SLIT2: variants seen among roughly 807,000 people sequenced by gnomAD.
SLIT2 encodes the protein slit guidance ligand 2, also known as slit homolog 2 protein.
Under a neutral mutation model 185.7 loss-of-function variants are expected in SLIT2, and 41 were observed. The observed-to-expected ratio is 0.22, with a 90% CI of 0.17 to 0.29. SLIT2 has a LOEUF of 0.29. SLIT2 is among the 10% of genes least tolerant of loss of function. SLIT2 has a pLI of 1.00. For missense variants in SLIT2, 1,571 were observed against 1,909.0 expected, an observed-to-expected ratio of 0.82 and a Z score of 3.30; for synonymous variants, 693 against 680.2, an observed-to-expected ratio of 1.02 and a Z score of -0.29.
At chr4:20,459,576 A>G (rs1328480329) in intron 4 of SLIT2, among the ~76,000 whole-genome samples, 1 of 151,874 alleles carries the variant, frequency 6.6e-6, no homozygotes, top group Admixed American at 6.6e-5. Flanking sequence ...CGTGTAGTTC[A>G]GTTCCCACCA....
At chr4:20,288,266 G>A (rs551342484) in intron 4 of SLIT2, among the ~76,000 whole-genome samples, 13 of 152,338 alleles carry the variant, frequency 8.5e-5, no homozygotes, top group African/African-American at 2.4e-4. Context: ...CTTCAGCAGT[G>A]TGGTGTGTAG....
chr4:20,503,688 A>G (rs773159760), intron 9 of SLIT2, among the ~76,000 whole-genome samples: 51 of 152,162 alleles, frequency 3.4e-4, no homozygotes, highest in Non-Finnish European at 6.6e-4. Flanking sequence ...ACACATAGAT[A>G]TTTTTGTCTT....
chr4:20,441,599 A>C (rs1439808849), intron 4 of SLIT2, among the ~76,000 whole-genome samples: 3 of 151,214 alleles, frequency 2.0e-5, no homozygotes, highest in Admixed American at 2.0e-4. Flanking sequence ...AAATACATAC[A>C]TACACACAGT....
At chr4:20,412,123 T>A (rs1264033941) in intron 4 of SLIT2, among the ~76,000 whole-genome samples, 1 of 152,064 alleles carries the variant, frequency 6.6e-6, no homozygotes, top group Non-Finnish European at 1.5e-5. Flanking sequence ...AATGCAGGGA[T>A]GCACACACAC....
intron 4 of SLIT2, among the ~76,000 whole-genome samples, chr4:20,399,756 G>C (rs1726201518): frequency 6.6e-6 from 1 of 151,636 alleles, no homozygotes; most frequent in South Asian, 2.1e-4. Context: ...TATGTAAGAG[G>C]GTGTCTCTCC....
intron 15 of SLIT2, among the ~76,000 whole-genome samples, chr4:20,525,893 C>A (rs1440088198): frequency 6.6e-6 from 1 of 152,090 alleles, no homozygotes; most frequent in Admixed American, 6.5e-5. Flanking sequence ...GAAAAGTAAT[C>A]GCAATGTTTT....
At chr4:20,299,160 C>T (rs1023253671) in intron 4 of SLIT2, among the ~76,000 whole-genome samples, 3 of 152,100 alleles carry the variant, frequency 2.0e-5, no homozygotes, top group Non-Finnish European at 4.4e-5. Context: ...TTTCTTTGCT[C>T]TTGCCACACC....
At position 20,488,834 on chromosome 4, in the gene SLIT2, C is replaced by T; in HGVS notation, c.627C>T (p.Asn209=). ...PKLRTFRLHS[N]NLYCDCHLAW... ...TCTCATTTAGTCGACTGCATTCAAA[C>T]AACCTGTATTGTGACTGCCACCTGG... The change falls in exon 8 of 37, where the codon AAC becomes AAT. Residue 209 remains asparagine (N), a synonymous_variant. Coordinates refer to ENST00000504154, the MANE Select transcript of SLIT2 (RefSeq NM_004787.4). 1 of 1,590,274 alleles carries T rather than the reference C, an allele frequency of 6.3e-7. No homozygotes were observed. Among genetic ancestry groups the T allele is most frequent in the Non-Finnish European group, 8.6e-7 (1 of 1,167,308 alleles).
intron 4 of SLIT2, among the ~76,000 whole-genome samples, chr4:20,459,759 A>G (rs952646200): frequency 1.3e-5 from 2 of 151,932 alleles, no homozygotes; most frequent in Non-Finnish European, 2.9e-5. Flanking sequence ...TTCCCTGGTT[A>G]TGTCTATAAT....
chr4:20,425,353 C>T (rs935076397), intron 4 of SLIT2, among the ~76,000 whole-genome samples: 20 of 151,788 alleles, frequency 1.3e-4, no homozygotes, highest in African/African-American at 4.4e-4. Context: ...GGAGATAGAG[C>T]GAGACACTAT....
At chr4:20,530,549 C>T (rs1721706812) in intron 16 of SLIT2, among the ~76,000 whole-genome samples, 1 of 152,100 alleles carries the variant, frequency 6.6e-6, no homozygotes, top group Admixed American at 6.5e-5. Flanking sequence ...TCTCAAAGTG[C>T]CAGGGTTACA....
At chr4:20,344,011 C>T (rs899911382) in intron 4 of SLIT2, among the ~76,000 whole-genome samples, 3 of 151,998 alleles carry the variant, frequency 2.0e-5, no homozygotes, top group Admixed American at 6.6e-5. Context: ...CCACCACACC[C>T]GGCTAATGTT....
chr4:20,319,999 A>G (rs1718924369), intron 4 of SLIT2, among the ~76,000 whole-genome samples: 1 of 152,124 alleles, frequency 6.6e-6, no homozygotes, highest in South Asian at 2.1e-4. Context: ...GATCCTCATC[A>G]GTGATCAAAG....
At chr4:20,615,730 A>G (rs1328199288) in intron 34 of SLIT2, 1 of 152,384 alleles carries the variant, frequency 6.6e-6, no homozygotes, top group African/African-American at 2.4e-5. Flanking sequence ...AGAAGGTGGC[A>G]TAAGTTCAGA....
chr4:20,593,349 CT>C (rs1464797447), intron 30 of SLIT2, among the ~76,000 whole-genome samples: 1 of 152,064 alleles, frequency 6.6e-6, no homozygotes, highest in Non-Finnish European at 1.5e-5. Context: ...ATTATATATA[CT>C]TTATGCTAAG....
intron 16 of SLIT2, among the ~76,000 whole-genome samples, chr4:20,531,698 T>C (rs1245106006): frequency 1.3e-5 from 2 of 151,414 alleles, no homozygotes; most frequent in Admixed American, 1.3e-4. Flanking sequence ...GGGACGATAG[T>C]GGAAAAAATT....
At chr4:20,432,487 T>TCAG (rs1275853153) in intron 4 of SLIT2, among the ~76,000 whole-genome samples, 1 of 150,182 alleles carries the variant, frequency 6.7e-6, no homozygotes, top group Non-Finnish European at 1.5e-5. Flanking sequence ...ATGAAAGGAC[T>TCAG]CCTGAGCCTT....
In SLIT2 at chr4:20,610,254, T is replaced by C. The variant is rs1729110844; in HGVS notation, c.3847+87T>C. ...CTGAAGTTTGTTAATGCCTAATATA[T>C]CAGGATTTGTCATTGACCAATAGTG... On this transcript the variant is annotated intron_variant, in intron 34 of 36. Transcript: ENST00000504154. 7 of 1,157,006 alleles carry C rather than the reference T, an allele frequency of 6.1e-6. No homozygotes were observed. In the East Asian group the frequency reaches 1.7e-4, roughly 29 times the overall value. The allele number at this position is 1,157,006 out of a possible 1,614,324, so 71.7% of individuals were successfully genotyped here.
chr4:20,439,464 TA>T (rs1729585022), intron 4 of SLIT2, among the ~76,000 whole-genome samples: 1 of 152,140 alleles, frequency 6.6e-6, no homozygotes, highest in Admixed American at 6.6e-5. Context: ...CATAGAAAAA[TA>T]ATTTCAATTT....
Sources: allele counts gnomAD v4.1 joint callset (sites outside exome capture counted in the v4.1 genomes callset), GRCh38; gene constraint gnomAD v4.1.1; transcripts MANE v1.5; gene names NCBI Gene and HGNC (gene_info 2026-07-23, HGNC 2026-07-21).